The following NALCN variants were observed in gnomAD, a reference collection of about 807,000 sequenced individuals.
NALCN encodes sodium leak channel, non-selective.
A neutral mutation model predicts 225.3 loss-of-function variants in NALCN; 111 were observed. The ratio of observed to expected loss-of-function variants is 0.49; its 90% CI spans 0.42 to 0.58. The LOEUF (loss-of-function observed/expected upper bound fraction) is 0.58. Among genes scored for constraint, NALCN ranks in the 20% least tolerant of loss-of-function variants. NALCN has a pLI of 0.00. For missense variants in NALCN, 1,378 were observed against 2,202.4 expected (o/e 0.63, Z 7.49); for synonymous variants, 764 against 769.0 (o/e 0.99, Z 0.11).
intron 3 of NALCN, among the ~76,000 whole-genome samples, chr13:101,389,160 G>A (rs1014042291): frequency 6.6e-6 from 1 of 152,104 alleles, no homozygotes; most frequent in African/African-American, 2.4e-5. Context: ...GACAATTTTG[G>A]AATCATCCTG....
intron 28 of NALCN, among the ~76,000 whole-genome samples, chr13:101,090,661 G>T (rs575645554): frequency 6.6e-6 from 1 of 152,118 alleles, no homozygotes; most frequent in Non-Finnish European, 1.5e-5. Flanking sequence ...TGGGTGGTAT[G>T]CTTTCTACCT....
At chr13:101,170,588 T>C (rs2038665490) in intron 15 of NALCN, among the ~76,000 whole-genome samples, 1 of 152,178 alleles carries the variant, frequency 6.6e-6, no homozygotes, top group Non-Finnish European at 1.5e-5. Flanking sequence ...GCTCATACTT[T>C]AACAAAAGAG....
intron 30 of NALCN, 75 bp from the exon 31 acceptor site, chr13:101,083,879 G>A (rs896402036): frequency 7.3e-6 from 10 of 1,367,842 alleles, no homozygotes; most frequent in Middle Eastern, 1.8e-4. Context: ...ATGGGGTGCC[G>A]AGACAAACAG....
At chr13:101,328,367 G>A (rs976371173) in intron 7 of NALCN, among the ~76,000 whole-genome samples, 1 of 151,840 alleles carries the variant, frequency 6.6e-6, no homozygotes, top group Non-Finnish European at 1.5e-5. Context: ...GCTAGAGTGC[G>A]GTGGCGTGAT....
chr13:101,149,618 C>T (rs774778864), intron 15 of NALCN, among the ~76,000 whole-genome samples: 16 of 152,210 alleles, frequency 1.1e-4, no homozygotes, highest in Non-Finnish European at 2.1e-4. Context: ...AAAGAACAGA[C>T]GGGAAGCTCT....
intron 15 of NALCN, among the ~76,000 whole-genome samples, chr13:101,163,735 G>T (rs1171682192): frequency 6.6e-6 from 1 of 152,054 alleles, no homozygotes; most frequent in Non-Finnish European, 1.5e-5. Flanking sequence ...AGAGAACAAG[G>T]CTCTGGAGGT....
intron 6 of NALCN, among the ~76,000 whole-genome samples, chr13:101,374,272 C>CTTTTT (rs869167949): frequency 1.8e-3 from 216 of 119,842 alleles, no homozygotes; most frequent in African/African-American, 2.2e-3. Flanking sequence ...AAATTTCTTT[C>CTTTTT]TTTTTTTTTT....
chr13:101,088,193 A>T (rs186622929), intron 30 of NALCN, among the ~76,000 whole-genome samples: 157 of 152,222 alleles, frequency 1.0e-3, no homozygotes, highest in Non-Finnish European at 1.9e-3. Flanking sequence ...GAATTTTTAA[A>T]TCTCACCCTT....
intron 18 of NALCN, among the ~76,000 whole-genome samples, chr13:101,115,442 C>A (rs1027833208): frequency 6.6e-6 from 1 of 152,118 alleles, no homozygotes; most frequent in Non-Finnish European, 1.5e-5. Flanking sequence ...TCTCCATATA[C>A]CTCCTCTTAC....
intron 15 of NALCN, among the ~76,000 whole-genome samples, chr13:101,151,707 T>C (rs1453219206): frequency 1.3e-5 from 2 of 152,240 alleles, no homozygotes; most frequent in East Asian, 3.8e-4. Context: ...AGAGTCTTGC[T>C]AAGGCGTAAA....
At chr13:101,166,153 G>A (rs1341186524) in intron 15 of NALCN, among the ~76,000 whole-genome samples, 6 of 152,144 alleles carry the variant, frequency 3.9e-5, no homozygotes, top group Non-Finnish European at 8.8e-5. Context: ...ATCCACTGGT[G>A]GACACTAGGG....
intron 18 of NALCN, among the ~76,000 whole-genome samples, chr13:101,115,804 T>G (rs1594237725): frequency 6.6e-6 from 1 of 152,148 alleles, no homozygotes; most frequent in Non-Finnish European, 1.5e-5. Context: ...TAGTGTCAGG[T>G]ACCAAGGTTT....
intron 6 of NALCN, among the ~76,000 whole-genome samples, chr13:101,369,516 A>G (rs934852575): frequency 1.3e-5 from 2 of 152,128 alleles, no homozygotes; most frequent in Non-Finnish European, 2.9e-5. Context: ...GCGATCATTT[A>G]TGTGCCAATA....
rs145367459 is a variant in NALCN at position 101,071,512 on chromosome 13, C to A, written c.4197+2072G>T. Among the ~76,000 whole-genome samples the A allele has an allele frequency of 4.6e-3, 705 of 152,300 alleles. 7 individuals carry two copies. Among genetic ancestry groups the A allele is most frequent in the Admixed American group, 8.2e-3 (125 of 15,294 alleles). ...TCTTTCCTTAAACATAATGAACCAA[C>A]CTTTGCTAGCGTCAAACATTTTTTT... On this transcript the variant is annotated intron_variant, in intron 37 of 43. Coordinates refer to ENST00000251127, the MANE Select transcript of NALCN (RefSeq NM_052867.4).
At position 101,081,002 on chromosome 13, in the gene NALCN, T is replaced by G. The variant is rs17620988; in HGVS notation, c.3885+525A>C. 4.9e-3 allele frequency among the ~76,000 whole-genome samples: 750 copies of G among 152,042 alleles called. 22 individuals are homozygous for G. In the East Asian group the frequency reaches 0.089, roughly 18 times the overall value. The stretch of plus-strand genomic sequence containing the variant: ...AATAGTGAGAACACAGATATAGAGA[T>G]GGAGAATCATATGCTTTAGAGAAGT... On this transcript the variant is annotated intron_variant, in intron 34 of 43. Coordinates refer to ENST00000251127, the MANE Select transcript of NALCN (RefSeq NM_052867.4).
intron 6 of NALCN, among the ~76,000 whole-genome samples, chr13:101,345,688 A>G (rs886510710): frequency 7.2e-6 from 1 of 138,122 alleles, no homozygotes; most frequent in Non-Finnish European, 1.5e-5. Context: ...CTATCTATCT[A>G]TCTATCTATC....
At chr13:101,244,399 G>A (rs1374034978) in intron 11 of NALCN, among the ~76,000 whole-genome samples, 1 of 151,958 alleles carries the variant, frequency 6.6e-6, no homozygotes, top group African/African-American at 2.4e-5. Flanking sequence ...TTTTCTCTGT[G>A]GGAAAATGAT....
intron 14 of NALCN, among the ~76,000 whole-genome samples, chr13:101,187,057 C>T (rs375872337): frequency 2.0e-5 from 3 of 152,138 alleles, no homozygotes; most frequent in African/African-American, 4.8e-5. Context: ...TAGGCCCCCC[C>T]CTTATCCACT....
chr13:101,080,598 AAATTAATTATATAATCAATTAAATT>A (rs200355173), intron 34 of NALCN, among the ~76,000 whole-genome samples: 8 of 130,440 alleles, frequency 6.1e-5, no homozygotes, highest in East Asian at 2.6e-4. Flanking sequence ...AATAATTATT[AAATTAATTATATAATCAATTAAATT>A]AATTATTTAA....
Sources: allele counts gnomAD v4.1 joint callset (sites outside exome capture counted in the v4.1 genomes callset), GRCh38; gene constraint gnomAD v4.1.1; transcripts MANE v1.5; gene names NCBI Gene and HGNC (gene_info 2026-07-23, HGNC 2026-07-21).